Variants in GRIN2B observed in about 807,000 individuals in gnomAD.
GRIN2B encodes glutamate ionotropic receptor NMDA type subunit 2B.
A neutral mutation model predicts 114.5 loss-of-function variants in GRIN2B; 5 were observed. That is an observed-to-expected ratio of 0.04 (90% CI 0.02 to 0.09). The LOEUF (loss-of-function observed/expected upper bound fraction) is 0.09, where lower values mean the gene tolerates loss of function less well. GRIN2B is among the 10% of genes least tolerant of loss of function. The pLI, the probability that GRIN2B is intolerant of heterozygous loss-of-function variation, is 1.00. For synonymous variants in GRIN2B, 787 were observed against 745.1 expected, an observed-to-expected ratio of 1.06 and a Z score of -0.92; for missense variants, 1,108 against 1,943.5, an observed-to-expected ratio of 0.57 and a Z score of 8.08.
At chr12:13,650,820 G>A (rs765951476) in intron 5 of GRIN2B, among the ~76,000 whole-genome samples, 1 of 152,002 alleles carries the variant, frequency 6.6e-6, no homozygotes, top group African/African-American at 2.4e-5. Flanking sequence ...TATCTTTCCT[G>A]CTAGAATGAA....
chr12:13,587,341 T>C (rs1433369725), intron 10 of GRIN2B, among the ~76,000 whole-genome samples: 3 of 150,696 alleles, frequency 2.0e-5, no homozygotes, highest in Admixed American at 2.0e-4. Flanking sequence ...TTTCTTTTTA[T>C]TTCTTTTTTT....
Position 13,557,685 on chromosome 12 carries a change from C to T in GRIN2B, c.*5098G>A, listed in dbSNP as rs960604001. ...GTGTCAAATGAGGCTTAAATAAAAG[C>T]AGGCGGAGGCCAAAATATGGTTTAA... is the stretch of plus-strand genomic sequence containing the variant. On this transcript the variant is annotated 3_prime_UTR_variant, in exon 14 of 14. Coordinates refer to ENST00000609686, the MANE Select transcript of GRIN2B (RefSeq NM_000834.5). 6.6e-6 allele frequency: 1 copy of T among 152,182 alleles called. No individual in the cohort carries two copies. Among genetic ancestry groups the T allele is most frequent in the Admixed American group, 6.5e-5 (1 of 15,268 alleles). The allele number at this position is 152,182 out of a possible 1,614,324, so 9.4% of individuals were successfully genotyped here. A position where few individuals can be genotyped will look rare whatever the true frequency, so the allele number is the denominator to read the frequency against.
At chr12:13,847,655 A>G (rs12303170) in intron 3 of GRIN2B, among the ~76,000 whole-genome samples, 24,140 of 152,008 alleles carry the variant, frequency 0.16, 2,475 homozygotes, top group Non-Finnish European at 0.22. Context: ...AGAGACACGA[A>G]CCAGAGATGC....
intron 10 of GRIN2B, among the ~76,000 whole-genome samples, chr12:13,591,446 C>T (rs866320552): frequency 6.6e-6 from 1 of 152,312 alleles, no homozygotes. Flanking sequence ...TTCATCAGCA[C>T]AGCAGCTATA....
Position 13,902,194 on chromosome 12 carries a change from T to A in GRIN2B, c.-18-35968A>T, listed in dbSNP as rs73309910. ...ATATCTGGTAAAGCAATTTTTCCCA[T>A]CGTATTCTTTCTCTTTAAGTGTCTT... On this transcript the variant is annotated intron_variant, in intron 2 of 13. Coordinates refer to ENST00000609686, the MANE Select transcript of GRIN2B (RefSeq NM_000834.5). Among the ~76,000 whole-genome samples the A allele has an allele frequency of 6.8e-3, 1,040 of 152,274 alleles. 18 individuals carry two copies. The highest frequency in any genetic ancestry group is 0.024 in the African/African-American group (979 of 41,574).
rs149564697 is a variant in GRIN2B, at chr12:13,721,744, C to T, written c.1010+31573G>A. Among the ~76,000 whole-genome samples the T allele has an allele frequency of 4.3e-3, 658 of 151,930 alleles. 4 individuals carry two copies. The highest frequency in any genetic ancestry group is 7.4e-3 in the Non-Finnish European group (506 of 67,934). ...TAGATGTGTACCTGAGAGTCATTAC[C>T]TATAAAGGATATGTAAAAGCCATAG... On this transcript the variant is annotated intron_variant, in intron 4 of 13. Coordinates refer to ENST00000609686, the MANE Select transcript of GRIN2B (RefSeq NM_000834.5).
chr12:13,964,955 G>A (rs1867764260), intron 2 of GRIN2B, among the ~76,000 whole-genome samples: 1 of 152,170 alleles, frequency 6.6e-6, no homozygotes, highest in South Asian at 2.1e-4. Context: ...GTTAATATAG[G>A]TTGGGTCCAA....
At position 13,544,341 on chromosome 12, in the gene GRIN2B, C is replaced by A; in HGVS notation, c.*18442G>T. 1 of 152,398 alleles carries A rather than the reference C, an allele frequency of 6.6e-6. No homozygotes were observed. Among genetic ancestry groups the A allele is most frequent in the Non-Finnish European group, 1.5e-5 (1 of 68,130 alleles). 9.4% of individuals were successfully genotyped at this position (152,398 alleles called of 1,614,324 possible). ...ATTAACCACTCCTCCCATTGCTGGT[C>A]CCTTCTCATCTCCTGGAGCTTTGAA... On this transcript the variant is annotated 3_prime_UTR_variant, in exon 14 of 14. Transcript: ENST00000609686.
At chr12:13,765,386 C>T (rs11612636) in intron 3 of GRIN2B, among the ~76,000 whole-genome samples, 18,058 of 152,270 alleles carry the variant, frequency 0.12, 1,287 homozygotes, top group Non-Finnish European at 0.16. Context: ...AGTCCAGAAA[C>T]CTGACTTTCA....
At chr12:13,724,715 T>C (rs1862948943) in intron 4 of GRIN2B, among the ~76,000 whole-genome samples, 1 of 152,088 alleles carries the variant, frequency 6.6e-6, no homozygotes, top group African/African-American at 2.4e-5. Context: ...TTCAGCTCAA[T>C]ATGGCTCCTA....
chr12:13,916,561 TC>T lies in GRIN2B; in HGVS notation c.-18-50336del, dbSNP rs532675333. 7.6e-3 allele frequency among the ~76,000 whole-genome samples: 1,163 copies of T among 152,182 alleles called. 10 individuals carry two copies. The highest frequency in any genetic ancestry group is 0.012 in the Non-Finnish European group (823 of 67,992). On this transcript the variant is annotated intron_variant, in intron 2 of 13. Transcript: ENST00000609686. Reference sequence around the variant, plus strand: ...AACTGATCTACTCATTTGATAAATATCTATCGGCCAGGCGTGGTGGCTCACG... The same window carrying T: ...AACTGATCTACTCATTTGATAAATATTATCGGCCAGGCGTGGTGGCTCACG...
chr12:13,645,666 C>T (rs1384357762), intron 5 of GRIN2B, among the ~76,000 whole-genome samples: 1 of 151,322 alleles, frequency 6.6e-6, no homozygotes, highest in East Asian at 1.9e-4. Context: ...TTCTCCTCCT[C>T]CTCTTCCTTT....
At chr12:13,698,309 C>T (rs1285277929) in intron 4 of GRIN2B, among the ~76,000 whole-genome samples, 1 of 152,234 alleles carries the variant, frequency 6.6e-6, no homozygotes, top group African/African-American at 2.4e-5. Flanking sequence ...CAATGAAACC[C>T]TCCACAAGGA....
chr12:13,752,222 G>A (rs1310207686), intron 4 of GRIN2B, among the ~76,000 whole-genome samples: 1 of 152,112 alleles, frequency 6.6e-6, no homozygotes, highest in Admixed American at 6.5e-5. Context: ...GAGTACCTGA[G>A]TATGCATTAA....
At chr12:13,594,832 G>A (rs1949052977) in intron 10 of GRIN2B, among the ~76,000 whole-genome samples, 2 of 152,126 alleles carry the variant, frequency 1.3e-5, no homozygotes, top group African/African-American at 2.4e-5. Flanking sequence ...CCAACTGAGA[G>A]TTGAAGTTGC....
intron 4 of GRIN2B, among the ~76,000 whole-genome samples, chr12:13,738,944 G>C (rs1187959813): frequency 6.6e-6 from 1 of 152,164 alleles, no homozygotes; most frequent in African/African-American, 2.4e-5. Flanking sequence ...TCATGACTGA[G>C]AAGCACTGAC....
chr12:13,655,465 A>G (rs1414238585), intron 5 of GRIN2B, among the ~76,000 whole-genome samples: 1 of 152,172 alleles, frequency 6.6e-6, no homozygotes, highest in Non-Finnish European at 1.5e-5. Context: ...GGGCATTAGG[A>G]CACTTAGAAG....
intron 10 of GRIN2B, among the ~76,000 whole-genome samples, chr12:13,578,880 C>T (rs1365713740): frequency 1.3e-5 from 2 of 151,808 alleles, no homozygotes; most frequent in Admixed American, 1.3e-4. Flanking sequence ...ACCAGACATA[C>T]AAAGACAAGG....
At chr12:13,882,404 TAACA>T (rs1591601103) in intron 2 of GRIN2B, among the ~76,000 whole-genome samples, 1 of 152,270 alleles carries the variant, frequency 6.6e-6, no homozygotes, top group East Asian at 1.9e-4. Context: ...AAGTAAGCCA[TAACA>T]AACAAATAAA....
Sources: allele counts gnomAD v4.1 joint callset (sites outside exome capture counted in the v4.1 genomes callset), GRCh38; gene constraint gnomAD v4.1.1; transcripts MANE v1.5; gene names NCBI Gene and HGNC (gene_info 2026-07-23, HGNC 2026-07-21).